MS4A1: variants seen among roughly 807,000 people sequenced by gnomAD.
MS4A1 encodes the protein B-lymphocyte antigen CD20.
MS4A1 carries 16 observed loss-of-function variants against 26.5 expected under a neutral mutation model. The ratio of observed to expected loss-of-function variants is 0.60; its 90% confidence interval spans 0.41 to 0.92. MS4A1 has a LOEUF of 0.92. Among genes scored for constraint, MS4A1 ranks in the 40% least tolerant of loss-of-function variants. The pLI, the probability that MS4A1 is intolerant of heterozygous loss-of-function variation, is 0.00. For synonymous variants in MS4A1, 128 were observed against 117.6 expected, an observed-to-expected ratio of 1.09 and a Z score of -0.57; for missense variants, 350 against 353.0, an observed-to-expected ratio of 0.99 and a Z score of 0.07.
Position 60,461,552 on chromosome 11 carries a change from C to T in MS4A1, c.-191+392C>T, listed in dbSNP as rs559239611. Reference sequence around the variant, plus strand: ...TCTTTTTCTTTGAGACCGAGTCTCACTCTGTTACCCAGGCTGGAATGCAGT... The same window carrying T: ...TCTTTTTCTTTGAGACCGAGTCTCATTCTGTTACCCAGGCTGGAATGCAGT... On this transcript the variant is annotated intron_variant, in intron 2 of 7. Coordinates refer to ENST00000345732, the MANE Select transcript of MS4A1 (RefSeq NM_152866.3). Among the ~76,000 whole-genome samples the T allele has an allele frequency of 1.3e-5, 2 of 151,802 alleles. 1 individual carries two copies. The highest frequency in any genetic ancestry group is 1.3e-4 in the Admixed American group (2 of 14,852).
chr11:60,468,348 T>G lies in MS4A1; in HGVS notation c.774T>G (p.Asn258Lys), dbSNP rs2086312752. 2.5e-6 allele frequency: 4 copies of G among 1,614,006 alleles called. No individual in the cohort carries two copies. The highest frequency in any genetic ancestry group is 1.6e-4 in the Middle Eastern group (1 of 6,062). Residue 258 changes from asparagine to lysine, a missense_variant, in exon 8 of 8, where the codon AAT becomes AAG. Coordinates refer to ENST00000345732, the MANE Select transcript of MS4A1 (RefSeq NM_152866.3). ...GLTETSSQPK[N>K]EEDIEIIPIQ... ...CTGAAACATCTTCCCAACCAAAGAA[T>G]GAAGAAGACATTGAAATTATTCCAA...
At chr11:60,466,694 G>T (rs1279831773) in intron 6 of MS4A1, 1 of 476,340 alleles carries the variant, frequency 2.1e-6, no homozygotes, top group Non-Finnish European at 3.8e-6. Context: ...TTCCTATACA[G>T]AATTGATTCT....
intron 1 of MS4A1, among the ~76,000 whole-genome samples, chr11:60,456,597 G>A (rs1055319286): frequency 2.0e-5 from 3 of 152,092 alleles, no homozygotes; most frequent in African/African-American, 7.2e-5. Flanking sequence ...AGAGTAAGAG[G>A]GGGCGCTGCA....
chr11:60,466,645 G>A, intron 6 of MS4A1: 1 of 396,382 alleles, frequency 2.5e-6, no homozygotes, highest in Non-Finnish European at 4.7e-6. Flanking sequence ...CACCAACTAA[G>A]GCTGAATACA....
intron 6 of MS4A1, chr11:60,466,514 A>T (rs1297788687): frequency 5.9e-6 from 2 of 339,862 alleles, no homozygotes; most frequent in Middle Eastern, 9.1e-4. Flanking sequence ...AGATGAGCAT[A>T]GAAGAAATTC....
At chr11:60,459,822 A>T (rs1009962333) in intron 1 of MS4A1, among the ~76,000 whole-genome samples, 1 of 152,200 alleles carries the variant, frequency 6.6e-6, no homozygotes, top group Non-Finnish European at 1.5e-5. Flanking sequence ...ATTTATAGTC[A>T]TTCACATAGT....
chr11:60,466,409 T>C (rs2086291985), intron 6 of MS4A1, among the ~76,000 whole-genome samples: 1 of 152,224 alleles, frequency 6.6e-6, no homozygotes, highest in African/African-American at 2.4e-5. Context: ...TTTAGAACAG[T>C]GTTTGGTACA....
chr11:60,465,928 G>A lies in MS4A1; in HGVS notation c.344G>A (p.Gly115Glu), dbSNP rs777259260. The change falls in exon 6 of 8, where the codon GGA becomes GAA. Residue 115 changes from glycine to glutamate, a missense_variant. Transcript: ENST00000345732. ...EKNSRKCLVK[G>E]KMIMNSLSLF... ...TCTGTGTCTCCATTTCAGGTCAAAG[G>A]AAAAATGATAATGAATTCATTGAGC... is the stretch of plus-strand genomic sequence containing the variant. 67 of 1,612,438 alleles carry A rather than the reference G, an allele frequency of 4.2e-5. 1 individual carries two copies. In the South Asian group the frequency reaches 6.6e-4, roughly 16 times the overall value.
At chr11:60,464,424 A>C (rs1182623058) in intron 5 of MS4A1, 80 bp downstream of exon 5, 1 of 1,263,534 alleles carries the variant, frequency 7.9e-7, no homozygotes, top group Non-Finnish European at 1.2e-6. Context: ...ACCCTTAAAA[A>C]GCCAAGGTAT....
At chr11:60,467,277 C>CTTTTTT (rs201750543) in intron 7 of MS4A1, among the ~76,000 whole-genome samples, 38 of 134,544 alleles carry the variant, frequency 2.8e-4, no homozygotes, top group African/African-American at 1.1e-3. Flanking sequence ...TTCTGTGCGT[C>CTTTTTT]TTTTTTTTTT....
chr11:60,461,742 A>G (rs1187789891), intron 2 of MS4A1, among the ~76,000 whole-genome samples: 1 of 151,192 alleles, frequency 6.6e-6, no homozygotes, highest in South Asian at 2.1e-4. Context: ...CCGGTCTCAA[A>G]CTCCTGACCT....
At chr11:60,457,537 C>T (rs1241775744) in intron 1 of MS4A1, among the ~76,000 whole-genome samples, 1 of 152,156 alleles carries the variant, frequency 6.6e-6, no homozygotes, top group East Asian at 1.9e-4. Context: ...AAAAGACCCA[C>T]ATGCAAAATG....
chr11:60,467,766 G>A (rs1392053198), intron 7 of MS4A1, among the ~76,000 whole-genome samples: 12 of 151,852 alleles, frequency 7.9e-5, no homozygotes, highest in Non-Finnish European at 1.6e-4. Flanking sequence ...AAAACAACAG[G>A]TTAAAGGGCT....
chr11:60,455,998 G>C (rs2086200255), intron 1 of MS4A1, 53 bp downstream of exon 1: 1 of 152,158 alleles, frequency 6.6e-6, no homozygotes, highest in African/African-American at 2.4e-5. Flanking sequence ...GATGGATAAG[G>C]TATAGAATGG....
chr11:60,456,483 C>G (rs759313740), intron 1 of MS4A1, among the ~76,000 whole-genome samples: 2 of 152,074 alleles, frequency 1.3e-5, no homozygotes, highest in Non-Finnish European at 2.9e-5. Flanking sequence ...TGTAAATATA[C>G]CTAGAAGTAT....
chr11:60,466,262 G>A (rs2086290914), intron 6 of MS4A1, 105 bp downstream of exon 6: 2 of 926,522 alleles, frequency 2.2e-6, no homozygotes, highest in African/African-American at 3.2e-5. Flanking sequence ...GAGTTTGCTA[G>A]TTACTGTCTG....
intron 7 of MS4A1, among the ~76,000 whole-genome samples, chr11:60,468,034 GT>G (rs1371160576): frequency 6.6e-6 from 1 of 152,128 alleles, no homozygotes; most frequent in Non-Finnish European, 1.5e-5. Flanking sequence ...TGTGGTCAAT[GT>G]CTGCTGCCCT....
intron 4 of MS4A1, chr11:60,463,897 T>C: frequency 5.0e-6 from 2 of 400,544 alleles, no homozygotes; most frequent in South Asian, 3.8e-5. Flanking sequence ...GGCATCAGAG[T>C]CATTTATGTC....
chr11:60,466,816 G>T, intron 6 of MS4A1, 143 bp from the exon 7 acceptor site: 1 of 802,754 alleles, frequency 1.2e-6, no homozygotes. Context: ...TCCTGTACTA[G>T]CAGTTCTCAC....
Sources: gnomAD v4.1 joint callset for allele counts (sites outside exome capture counted in the v4.1 genomes callset) on GRCh38, gnomAD v4.1.1 for gene constraint, MANE v1.5 for transcripts, NCBI Gene and HGNC (gene_info 2026-07-23, HGNC 2026-07-21) for gene names.